The following GPC5 variants were observed in gnomAD, a reference collection of about 807,000 sequenced individuals.
GPC5 encodes glypican 5.
A neutral mutation model predicts 53.9 loss-of-function variants in GPC5; 47 were observed. The ratio of observed to expected loss-of-function variants is 0.87; its 90% CI spans 0.69 to 1.11. The LOEUF (loss-of-function observed/expected upper bound fraction) is 1.11, where lower values mean the gene tolerates loss of function less well. Among genes scored for constraint, GPC5 ranks in the 50% most tolerant of loss-of-function variants. The probability of loss-of-function intolerance (pLI) is 0.00; values close to 1 mark genes in which losing one functional copy is unlikely to be tolerated. For missense variants in GPC5, 748 were observed against 713.1 expected (o/e 1.05, Z -0.56); for synonymous variants, 286 against 263.3 (o/e 1.09, Z -0.84).
At chr13:92,663,799 C>CTA (rs1261867959) in intron 7 of GPC5, among the ~76,000 whole-genome samples, 2 of 136,544 alleles carry the variant, frequency 1.5e-5, no homozygotes, top group South Asian at 4.5e-4. Flanking sequence ...TATACACACA[C>CTA]TATATATATA....
intron 7 of GPC5, among the ~76,000 whole-genome samples, chr13:92,538,598 G>T (rs1881805276): frequency 6.9e-6 from 1 of 145,768 alleles, no homozygotes; most frequent in Admixed American, 7.0e-5. Flanking sequence ...TTCTCCTAAT[G>T]CTATCCCTCC....
chr13:91,914,793 A>T (rs928340870), intron 6 of GPC5, among the ~76,000 whole-genome samples: 2 of 152,094 alleles, frequency 1.3e-5, no homozygotes, highest in African/African-American at 4.8e-5. Context: ...CAATCACAGG[A>T]GTTTTAAAAA....
At chr13:92,308,292 C>T (rs1185634488) in intron 7 of GPC5, among the ~76,000 whole-genome samples, 1 of 152,114 alleles carries the variant, frequency 6.6e-6, no homozygotes, top group Admixed American at 6.5e-5. Flanking sequence ...CACTGTGCCG[C>T]CTGGCAGCCA....
At chr13:91,719,794 C>T (rs920312635) in intron 3 of GPC5, among the ~76,000 whole-genome samples, 1 of 151,806 alleles carries the variant, frequency 6.6e-6, no homozygotes, top group African/African-American at 2.4e-5. Flanking sequence ...ATCACTTTAT[C>T]TTATGGAAAT....
chr13:91,889,374 T>G (rs2039360388), intron 5 of GPC5, among the ~76,000 whole-genome samples: 1 of 152,190 alleles, frequency 6.6e-6, no homozygotes, highest in African/African-American at 2.4e-5. Context: ...GTTAGTAAAA[T>G]TTCCTACTAG....
chr13:92,238,427 G>T (rs1425788130), intron 7 of GPC5, among the ~76,000 whole-genome samples: 1 of 151,956 alleles, frequency 6.6e-6, no homozygotes, highest in East Asian at 1.9e-4. Context: ...TCTCAATGTG[G>T]CTCTGATTTC....
chr13:91,452,262 G>T (rs1318422901), intron 2 of GPC5, among the ~76,000 whole-genome samples: 1 of 151,966 alleles, frequency 6.6e-6, no homozygotes, highest in Non-Finnish European at 1.5e-5. Context: ...GGGATTATAG[G>T]CATAAGCCAC....
At chr13:92,309,224 A>T (rs2139207601) in intron 7 of GPC5, among the ~76,000 whole-genome samples, 1 of 152,196 alleles carries the variant, frequency 6.6e-6, no homozygotes, top group South Asian at 2.1e-4. Flanking sequence ...GCTGTGGTAT[A>T]CCGCAATGAT....
intron 2 of GPC5, among the ~76,000 whole-genome samples, chr13:91,545,786 A>G (rs2030249476): frequency 6.6e-6 from 1 of 152,170 alleles, no homozygotes; most frequent in Non-Finnish European, 1.5e-5. Flanking sequence ...TATAAGTAGA[A>G]TTGAATGATA....
chr13:92,759,453 T>A (rs866190761), intron 7 of GPC5, among the ~76,000 whole-genome samples: 18 of 152,092 alleles, frequency 1.2e-4, no homozygotes, highest in Admixed American at 2.0e-4. Flanking sequence ...TTGGTTAAAT[T>A]TATTCCTGAT....
At chr13:92,713,262 TGAA>T (rs1459243030) in intron 7 of GPC5, among the ~76,000 whole-genome samples, 3 of 151,926 alleles carry the variant, frequency 2.0e-5, no homozygotes, top group African/African-American at 7.3e-5. Context: ...GACATTTCAC[TGAA>T]GAAGATATAT....
chr13:91,728,750 G>A (rs534467085), intron 4 of GPC5, 85 bp downstream of exon 4: 56 of 1,255,270 alleles, frequency 4.5e-5, no homozygotes, highest in South Asian at 3.6e-4. Flanking sequence ...CAATTAAATC[G>A]AATAAAATTC....
At chr13:92,299,120 A>G (rs759163423) in intron 7 of GPC5, among the ~76,000 whole-genome samples, 24 of 152,186 alleles carry the variant, frequency 1.6e-4, no homozygotes, top group Admixed American at 1.3e-4. Flanking sequence ...TTTAAGGGAA[A>G]TGGAAATAAA....
At chr13:92,674,710 T>C (rs1178872652) in intron 7 of GPC5, among the ~76,000 whole-genome samples, 2 of 152,110 alleles carry the variant, frequency 1.3e-5, no homozygotes, top group African/African-American at 4.8e-5. Context: ...TTCTGTTGAA[T>C]TTTTAACATC....
At chr13:92,061,296 G>A (rs2041121123) in intron 6 of GPC5, among the ~76,000 whole-genome samples, 1 of 152,006 alleles carries the variant, frequency 6.6e-6, no homozygotes, top group African/African-American at 2.4e-5. Context: ...TGGTTTTGCA[G>A]AGTGCAATAA....
intron 2 of GPC5, among the ~76,000 whole-genome samples, chr13:91,662,845 A>G (rs1175993730): frequency 6.6e-6 from 1 of 152,158 alleles, no homozygotes. Context: ...CTGTGATGTC[A>G]TTACTCTTTC....
intron 7 of GPC5, among the ~76,000 whole-genome samples, chr13:92,476,720 A>G (rs1024653279): frequency 9.4e-5 from 14 of 149,424 alleles, no homozygotes; most frequent in African/African-American, 3.5e-4. Context: ...AGCCATAAAA[A>G]ATGATGAGTT....
intron 2 of GPC5, among the ~76,000 whole-genome samples, chr13:91,456,274 G>T (rs1881544353): frequency 2.0e-5 from 3 of 151,890 alleles, no homozygotes; most frequent in African/African-American, 7.2e-5. Context: ...CCTGTATAAG[G>T]TATAGACAAA....
At chr13:92,622,719 C>A (rs567278530) in intron 7 of GPC5, among the ~76,000 whole-genome samples, 2 of 152,266 alleles carry the variant, frequency 1.3e-5, no homozygotes, top group African/African-American at 4.8e-5. Context: ...CATGAGCCAC[C>A]ATGCCTGGCC....
Sources: gnomAD v4.1 joint callset for allele counts (sites outside exome capture counted in the v4.1 genomes callset) on GRCh38, gnomAD v4.1.1 for gene constraint, MANE v1.5 for transcripts, NCBI Gene and HGNC (gene_info 2026-07-23, HGNC 2026-07-21) for gene names.